Variants in YARS1 observed in about 807,000 individuals in gnomAD.
YARS1 encodes tyrosyl-tRNA synthetase 1.
Under a neutral mutation model 62.2 loss-of-function variants are expected in YARS1, and 36 were observed. The ratio of observed to expected loss-of-function variants is 0.58; its 90% CI spans 0.44 to 0.76. YARS1 has a LOEUF of 0.76. Ranked by LOEUF, YARS1 falls within the 30% of genes least tolerant of loss-of-function variation. The pLI, the probability that YARS1 is intolerant of heterozygous loss-of-function variation, is 0.00. For missense variants in YARS1, 524 were observed against 639.8 expected, an observed-to-expected ratio of 0.82 and a Z score of 1.95; for synonymous variants, 234 against 244.9, an observed-to-expected ratio of 0.96 and a Z score of 0.42.
intron 10 of YARS1, chr1:32,780,813 T>G: frequency 1.7e-6 from 1 of 576,144 alleles, no homozygotes; most frequent in Non-Finnish European, 3.1e-6. Flanking sequence ...ATAAACAAGT[T>G]CCCTCTGACT....
intron 6 of YARS1, chr1:32,790,513 C>CGA (rs1653381249): frequency 1.5e-5 from 1 of 65,560 alleles, no homozygotes; most frequent in Non-Finnish European, 2.5e-5. Flanking sequence ...GACTCCATCT[C>CGA]AAAAAAAAAA....
At chr1:32,780,402 G>A in intron 10 of YARS1, 124 bp from the exon 11 acceptor site, 1 of 1,137,014 alleles carries the variant, frequency 8.8e-7, no homozygotes, top group Non-Finnish European at 1.3e-6. Context: ...ACCCCCTAGA[G>A]CTAACTTTCT....
Position 32,781,053 on chromosome 1 carries a change from C to T in YARS1, c.1135G>A (p.Glu379Lys). The T allele has an allele frequency of 6.2e-7, 1 of 1,614,150 alleles. No individual in the cohort carries two copies. The highest frequency in any genetic ancestry group is 8.5e-7 in the Non-Finnish European group (1 of 1,179,962). ...DIRVGKIITV[E>K]KHPDADSLYV... ...ATGTGGTGAAAAATGAGTACCTTCT[C>T]CACAGTGATGATTTTCCCCACACGG... The change falls in exon 10 of 13, where the codon GAG (glutamate) becomes AAG (lysine). Residue 379 changes from glutamate (E) to lysine (K), a missense_variant. Coordinates refer to ENST00000373477, the MANE Select transcript of YARS1 (RefSeq NM_003680.4).
chr1:32,793,891 G>GCTGAAAGAACTCATTA (rs543067720), intron 5 of YARS1, among the ~76,000 whole-genome samples: 3 of 152,182 alleles, frequency 2.0e-5, no homozygotes, highest in African/African-American at 7.2e-5. Flanking sequence ...ATAAAAGAAA[G>GCTGAAAGAACTCATTA]CTGAAAGAAC....
intron 4 of YARS1, among the ~76,000 whole-genome samples, chr1:32,799,705 C>T (rs1002202277): frequency 6.6e-6 from 1 of 152,122 alleles, no homozygotes; most frequent in Middle Eastern, 3.2e-3. Flanking sequence ...GATATATAGC[C>T]AATGTGACTA....
intron 7 of YARS1, 169 bp downstream of exon 7, chr1:32,786,771 A>T: frequency 1.0e-6 from 1 of 999,564 alleles, no homozygotes; most frequent in Non-Finnish European, 1.4e-6. Context: ...ATATATGGAC[A>T]ATTAAATTAC....
chr1:32,777,963 A>G (rs1652925328), intron 12 of YARS1, among the ~76,000 whole-genome samples: 1 of 152,162 alleles, frequency 6.6e-6, no homozygotes, highest in South Asian at 2.1e-4. Flanking sequence ...GTTTTCTACC[A>G]TGAAAATTTA....
chr1:32,775,959 A>AG lies in YARS1; in HGVS notation c.*21dup. On this transcript the variant is annotated 3_prime_UTR_variant, in exon 13 of 13. Transcript: ENST00000373477. Reference sequence around the variant, plus strand: ...CAGCAGATGACTCAGTGGTGGAAGAAGGGGGGAAGATGCTGGGCTGGCTAG... The same window carrying AG: ...CAGCAGATGACTCAGTGGTGGAAGAAGGGGGGGAAGATGCTGGGCTGGCTAG... The AG allele has an allele frequency of 1.3e-6, 2 of 1,588,210 alleles. No individual in the cohort carries two copies. The highest frequency in any genetic ancestry group is 8.6e-7 in the Non-Finnish European group (1 of 1,156,640).
chr1:32,797,735 GA>G lies in YARS1; in HGVS notation c.591+27del. The G allele has an allele frequency of 1.9e-6, 3 of 1,602,458 alleles. No individual in the cohort carries two copies. The Middle Eastern group carries it at 5.0e-4, about 265-fold the overall frequency. ...AGCTGCATACCTCTGAGGTGCAAGT[GA>G]AAAAAGACAGGAAAGCAGACACTCA... On this transcript the variant is annotated intron_variant, in intron 5 of 12. Coordinates refer to ENST00000373477, the MANE Select transcript of YARS1 (RefSeq NM_003680.4).
chr1:32,781,642 T>A lies in YARS1; in HGVS notation c.1043-497A>T, dbSNP rs192517545. On this transcript the variant is annotated intron_variant, in intron 9 of 12. Coordinates refer to ENST00000373477, the MANE Select transcript of YARS1 (RefSeq NM_003680.4). ...AGCTATCAATGCCAATATCTTAGCA[T>A]TACGCACAAGTGGATGGCCAACTAA... 7.0e-4 allele frequency: 124 copies of A among 176,448 alleles called. 1 individual carries two copies. Among genetic ancestry groups the A allele is most frequent in the East Asian group, 3.1e-4 (2 of 6,400 alleles). The allele number at this position is 176,448 out of a possible 1,614,324, so 10.9% of individuals were successfully genotyped here.
At position 32,800,638 on chromosome 1, in the gene YARS1, G is replaced by A. The variant is rs546478933; in HGVS notation, c.511-2795C>T. Among the ~76,000 whole-genome samples the A allele has an allele frequency of 2.0e-5, 3 of 151,796 alleles. No individual in the cohort carries two copies. In the South Asian group the frequency reaches 6.2e-4, roughly 32 times the overall value. ...TCTTGCACTGTCTGTCACCCAGGCT[G>A]GAGTGCAGTGGTGCGAGCTCCGCCT... On this transcript the variant is annotated intron_variant, in intron 4 of 12. Transcript: ENST00000373477.
intron 4 of YARS1, among the ~76,000 whole-genome samples, chr1:32,805,140 A>G (rs1638423284): frequency 6.6e-6 from 1 of 150,740 alleles, no homozygotes; most frequent in South Asian, 2.1e-4. Context: ...AGGCAGGAGA[A>G]TCAGGCAGGG....
In YARS1 at chr1:32,786,759, G is replaced by C. The variant is rs377309816; in HGVS notation, c.820+181C>G. 41 of 925,922 alleles carry C rather than the reference G, an allele frequency of 4.4e-5. No individual in the cohort carries two copies. In the African/African-American group the frequency reaches 6.5e-4, roughly 15 times the overall value. 57.4% of individuals were successfully genotyped at this position (925,922 alleles called of 1,614,324 possible). A position where few individuals can be genotyped will look rare whatever the true frequency, so the allele number is the denominator to read the frequency against. On this transcript the variant is annotated intron_variant, in intron 7 of 12. Coordinates refer to ENST00000373477, the MANE Select transcript of YARS1 (RefSeq NM_003680.4). ...TTCCCTCAGAACCTAGCCTGGTAAC[G>C]AATATATGGACAATTAAATTACATC...
intron 8 of YARS1, chr1:32,782,752 G>A: frequency 3.2e-6 from 2 of 624,706 alleles, no homozygotes; most frequent in East Asian, 5.8e-5. Context: ...ATACTAACTT[G>A]AGGGTGTTTA....
In YARS1 at chr1:32,789,229, A is replaced by C. The variant is rs561461841; in HGVS notation, c.684+1933T>G. Among the ~76,000 whole-genome samples, 3 of 152,350 alleles carry C rather than the reference A, an allele frequency of 2.0e-5. No individual in the cohort carries two copies. In the South Asian group the frequency reaches 6.2e-4, roughly 32 times the overall value. On this transcript the variant is annotated intron_variant, in intron 6 of 12. Transcript: ENST00000373477. ...CTATCCTAATTTTTACAAATTATAT[A>C]TAATGCTACATTGGACATCTTTGCA...
intron 4 of YARS1, 58 bp downstream of exon 4, chr1:32,806,424 G>GC: frequency 6.2e-7 from 1 of 1,612,194 alleles, no homozygotes; most frequent in Non-Finnish European, 8.5e-7. Context: ...AATAAGATAT[G>GC]CCTGTCATCA....
chr1:32,815,771 G>C (rs1404217398), intron 1 of YARS1, among the ~76,000 whole-genome samples: 1 of 152,182 alleles, frequency 6.6e-6, no homozygotes, highest in African/African-American at 2.4e-5. Flanking sequence ...AGGAGTAGTG[G>C]GTAATAGGTA....
intron 5 of YARS1, among the ~76,000 whole-genome samples, chr1:32,791,635 C>G (rs1367765872): frequency 6.6e-6 from 1 of 152,074 alleles, no homozygotes; most frequent in Non-Finnish European, 1.5e-5. Context: ...AACCCCATCT[C>G]TACTAAGAAT....
intron 11 of YARS1, chr1:32,779,760 G>C: frequency 1.6e-6 from 1 of 628,192 alleles, no homozygotes; most frequent in South Asian, 2.0e-5. Flanking sequence ...TTCTAGGGGA[G>C]GAAGTATAAA....
Sources: gnomAD v4.1 joint callset for allele counts (sites outside exome capture counted in the v4.1 genomes callset) on GRCh38, gnomAD v4.1.1 for gene constraint, MANE v1.5 for transcripts, NCBI Gene and HGNC (gene_info 2026-07-23, HGNC 2026-07-21) for gene names.